Variants in FBXL17 observed in about 807,000 individuals in gnomAD.
FBXL17 encodes F-box and leucine rich repeat protein 17.
A neutral mutation model predicts 66.2 loss-of-function variants in FBXL17; 22 were observed. The ratio of observed to expected loss-of-function variants is 0.33; its 90% CI spans 0.24 to 0.47. FBXL17 has a LOEUF of 0.47. Among genes scored for constraint, FBXL17 ranks in the 20% least tolerant of loss-of-function variants. The probability of loss-of-function intolerance (pLI) is 1.00; values close to 1 mark genes in which losing one functional copy is unlikely to be tolerated. For synonymous variants in FBXL17, 474 were observed against 400.5 expected (o/e 1.18, Z -2.19); for missense variants, 878 against 948.2 (o/e 0.93, Z 0.97).
At chr5:108,024,044 G>A (rs4957738) in intron 6 of FBXL17, among the ~76,000 whole-genome samples, 93,871 of 151,866 alleles carry the variant, frequency 0.62, 29,625 homozygotes, top group African/African-American at 0.75. Context: ...TAGAATTCAA[G>A]TTATTCCTAT....
At chr5:108,338,155 T>C (rs2076794) in intron 4 of FBXL17, among the ~76,000 whole-genome samples, 34,761 of 151,330 alleles carry the variant, frequency 0.23, 4,599 homozygotes, top group Middle Eastern at 0.33. Context: ...ACTAAAAAGA[T>C]ATAGAAGTTT....
At chr5:108,186,079 C>T (rs756756395) in intron 6 of FBXL17, 38 bp downstream of exon 6, 1 of 1,512,616 alleles carries the variant, frequency 6.6e-7, no homozygotes, top group Non-Finnish European at 9.1e-7. Flanking sequence ...TAAATGTTTT[C>T]CTCTAGAAAA....
At chr5:107,940,574 G>A (rs1435903081) in intron 7 of FBXL17, among the ~76,000 whole-genome samples, 1 of 152,138 alleles carries the variant, frequency 6.6e-6, no homozygotes, top group East Asian at 1.9e-4. Flanking sequence ...GCTAACACAT[G>A]GAGATGGAAG....
intron 6 of FBXL17, among the ~76,000 whole-genome samples, chr5:108,179,937 G>A (rs1408543282): frequency 6.6e-6 from 1 of 152,132 alleles, no homozygotes; most frequent in African/African-American, 2.4e-5. Context: ...GGTGGGAAGA[G>A]TGGATAAATG....
At chr5:108,280,605 A>G (rs920133197) in intron 4 of FBXL17, among the ~76,000 whole-genome samples, 1 of 150,426 alleles carries the variant, frequency 6.6e-6, no homozygotes, top group Non-Finnish European at 1.5e-5. Context: ...ACAAATACAG[A>G]AAAAAAAACA....
intron 6 of FBXL17, among the ~76,000 whole-genome samples, chr5:108,179,377 G>A (rs1157014923): frequency 6.6e-6 from 1 of 152,052 alleles, no homozygotes; most frequent in Admixed American, 6.6e-5. Flanking sequence ...GGGTGGTGGA[G>A]TAATCTGTCA....
chr5:108,365,532 C>T (rs1169792183), intron 2 of FBXL17, among the ~76,000 whole-genome samples: 1 of 152,086 alleles, frequency 6.6e-6, no homozygotes, highest in Non-Finnish European at 1.5e-5. Flanking sequence ...TTCCAGTGGG[C>T]TGGCCCTGAG....
At chr5:108,375,731 T>A (rs554246758) in intron 1 of FBXL17, among the ~76,000 whole-genome samples, 1 of 152,156 alleles carries the variant, frequency 6.6e-6, no homozygotes, top group Non-Finnish European at 1.5e-5. Context: ...TCTTAAATTC[T>A]TCCAAAAATG....
At chr5:108,192,845 T>G (rs1186738027) in intron 5 of FBXL17, among the ~76,000 whole-genome samples, 4 of 152,014 alleles carry the variant, frequency 2.6e-5, no homozygotes, top group Admixed American at 2.6e-4. Flanking sequence ...GGCTTCCAAA[T>G]TTTCTTAAGA....
chr5:107,879,420 G>C (rs1561515088), intron 8 of FBXL17: 2 of 985,302 alleles, frequency 2.0e-6, no homozygotes, highest in African/African-American at 3.5e-5. Flanking sequence ...GCATTAGGTT[G>C]GTTAGTGGAA....
chr5:108,100,094 T>C (rs1749543274), intron 6 of FBXL17, among the ~76,000 whole-genome samples: 3 of 152,322 alleles, frequency 2.0e-5, no homozygotes, highest in South Asian at 4.1e-4. Flanking sequence ...ATTTATAGTA[T>C]GATTTTTATA....
chr5:108,236,934 C>G (rs745920635), intron 4 of FBXL17, among the ~76,000 whole-genome samples: 1 of 152,080 alleles, frequency 6.6e-6, no homozygotes, highest in Non-Finnish European at 1.5e-5. Flanking sequence ...TGAGATTTAC[C>G]AGTCTAAAAC....
At chr5:108,182,357 A>C (rs1327332125) in intron 6 of FBXL17, among the ~76,000 whole-genome samples, 1 of 152,194 alleles carries the variant, frequency 6.6e-6, no homozygotes, top group East Asian at 1.9e-4. Flanking sequence ...GTCTGATGGG[A>C]AGTTCTAGAT....
chr5:108,196,494 C>T (rs1753686026), intron 5 of FBXL17, among the ~76,000 whole-genome samples: 1 of 152,144 alleles, frequency 6.6e-6, no homozygotes. Context: ...ATGTTCCTTC[C>T]ACTAGAGTCA....
intron 4 of FBXL17, among the ~76,000 whole-genome samples, chr5:108,321,202 A>T (rs1330723749): frequency 6.6e-6 from 1 of 151,858 alleles, no homozygotes; most frequent in Non-Finnish European, 1.5e-5. Flanking sequence ...GTTCAAATCC[A>T]AGCAAATGTT....
At chr5:107,985,360 T>C (rs569650154) in intron 7 of FBXL17, among the ~76,000 whole-genome samples, 1 of 152,228 alleles carries the variant, frequency 6.6e-6, no homozygotes, top group Non-Finnish European at 1.5e-5. Flanking sequence ...ATTGGGCTGA[T>C]ATGGCATGTG....
intron 6 of FBXL17, among the ~76,000 whole-genome samples, chr5:108,085,565 G>A (rs528174671): frequency 8.5e-5 from 13 of 152,236 alleles, no homozygotes; most frequent in Non-Finnish European, 1.9e-4. Context: ...GACTGTGCCT[G>A]AACACTGTGT....
At chr5:107,936,521 G>GCA (rs1244955053) in intron 7 of FBXL17, among the ~76,000 whole-genome samples, 2 of 151,110 alleles carry the variant, frequency 1.3e-5, no homozygotes, top group Non-Finnish European at 2.9e-5. Context: ...TCCTCCCCTT[G>GCA]CACCACCTTC....
chr5:107,875,203 C>T (rs527694373), intron 8 of FBXL17, among the ~76,000 whole-genome samples: 2 of 151,756 alleles, frequency 1.3e-5, no homozygotes, highest in South Asian at 4.2e-4. Context: ...GCAGACAAGG[C>T]AGGGAAGAGG....
Sources: gnomAD v4.1 joint callset for allele counts (sites outside exome capture counted in the v4.1 genomes callset) on GRCh38, gnomAD v4.1.1 for gene constraint, MANE v1.5 for transcripts, NCBI Gene and HGNC (gene_info 2026-07-23, HGNC 2026-07-21) for gene names.